The following EXOC5 variants were observed in gnomAD, a reference collection of about 807,000 sequenced individuals.
EXOC5 encodes exocyst complex component 5, also known as SEC10-like 1.
Under a neutral mutation model 90.8 loss-of-function variants are expected in EXOC5, and 17 were observed. The observed-to-expected ratio is 0.19, with a 90% CI of 0.13 to 0.28. EXOC5 has a LOEUF of 0.28. Among genes scored for constraint, EXOC5 ranks in the 10% least tolerant of loss-of-function variants. The pLI, the probability that EXOC5 is intolerant of heterozygous loss-of-function variation, is 1.00. For missense variants in EXOC5, 569 were observed against 830.6 expected (o/e 0.69, Z 3.87); for synonymous variants, 260 against 270.0 (o/e 0.96, Z 0.36).
At chr14:57,222,806 C>CACAT (rs1479748559) in intron 12 of EXOC5, among the ~76,000 whole-genome samples, 4 of 151,402 alleles carry the variant, frequency 2.6e-5, no homozygotes, top group African/African-American at 4.9e-5. Flanking sequence ...CATACACACA[C>CACAT]ACATACATAC....
intron 12 of EXOC5, among the ~76,000 whole-genome samples, chr14:57,227,783 T>C (rs558022481): frequency 6.6e-6 from 1 of 152,296 alleles, no homozygotes; most frequent in East Asian, 1.9e-4. Context: ...TATAATTTAC[T>C]GTCTCAATAT....
intron 4 of EXOC5, among the ~76,000 whole-genome samples, chr14:57,241,381 T>C (rs1300831676): frequency 6.6e-6 from 1 of 152,218 alleles, no homozygotes; most frequent in East Asian, 1.9e-4. Flanking sequence ...GTCCTCACCA[T>C]GCCATTTAGT....
At position 57,204,090 on chromosome 14, in the gene EXOC5, G is replaced by C. The variant is rs1033150111; in HGVS notation, c.*4519C>G. ...CAACCTTCTAAACCACTTAGAAAAT[G>C]GGCGAGTGTGTTTAATTACTCATCT... On this transcript the variant is annotated 3_prime_UTR_variant, in exon 18 of 18. Transcript: ENST00000621441. 1 of 152,234 alleles carries C rather than the reference G, an allele frequency of 6.6e-6. No individual in the cohort carries two copies. Among genetic ancestry groups the C allele is most frequent in the Non-Finnish European group, 1.5e-5 (1 of 68,004 alleles). 9.4% of individuals were successfully genotyped at this position (152,234 alleles called of 1,614,324 possible).
chr14:57,205,625 CG>C lies in EXOC5; in HGVS notation c.*2983del. 1 of 324,512 alleles carries C rather than the reference CG, an allele frequency of 3.1e-6. No individual in the cohort carries two copies. Among genetic ancestry groups the C allele is most frequent in the South Asian group, 2.6e-5 (1 of 38,060 alleles). The allele number at this position is 324,512 out of a possible 1,614,324, so 20.1% of individuals were successfully genotyped here. A position where few individuals can be genotyped will look rare whatever the true frequency, so the allele number is the denominator to read the frequency against. On this transcript the variant is annotated 3_prime_UTR_variant, in exon 18 of 18. Coordinates refer to ENST00000621441, the MANE Select transcript of EXOC5 (RefSeq NM_006544.4). The stretch of plus-strand genomic sequence containing the variant: ...TATTCACCATTACAGGTAAGAAAAA[CG>C]CATTTTAGGGAAGCAGTGAATTCTC...
intron 1 of EXOC5, among the ~76,000 whole-genome samples, chr14:57,248,197 G>A (rs1420854398): frequency 6.6e-6 from 1 of 151,414 alleles, no homozygotes. Flanking sequence ...CTTTTTGGAG[G>A]CCAGCGGGTA....
At chr14:57,246,666 T>C in intron 3 of EXOC5, 45 bp downstream of exon 3, 1 of 1,492,484 alleles carries the variant, frequency 6.7e-7, no homozygotes, top group Non-Finnish European at 9.2e-7. Context: ...AAAATAAAGA[T>C]ATTATAGCCT....
intron 14 of EXOC5, 58 bp from the exon 15 acceptor site, chr14:57,218,126 G>T (rs1474705789): frequency 2.4e-6 from 2 of 816,492 alleles, no homozygotes; most frequent in Non-Finnish European, 4.1e-6. Flanking sequence ...TTTTCTAAAA[G>T]TTTTTCATAC....
chr14:57,222,011 C>T (rs1037079457), intron 13 of EXOC5, among the ~76,000 whole-genome samples: 3 of 152,074 alleles, frequency 2.0e-5, no homozygotes, highest in Non-Finnish European at 2.9e-5. Context: ...GAATTGTTTT[C>T]GCCTTCATTT....
At chr14:57,244,567 G>A (rs1008750258) in intron 3 of EXOC5, among the ~76,000 whole-genome samples, 8 of 151,502 alleles carry the variant, frequency 5.3e-5, no homozygotes, top group Admixed American at 1.3e-4. Context: ...AATATTTATC[G>A]TGAGTACATT....
intron 3 of EXOC5, among the ~76,000 whole-genome samples, chr14:57,244,597 A>C (rs1463829047): frequency 6.6e-6 from 1 of 152,134 alleles, no homozygotes; most frequent in Non-Finnish European, 1.5e-5. Context: ...AAAAGCAAAC[A>C]AAAAAAGCTG....
In EXOC5 at chr14:57,254,971, AAGAC is replaced by A. The variant is rs1461315846; in HGVS notation, c.28-7263_28-7260del. ...TTTGTTATGGAAGCCTGAGCTGACT[AAGAC>A]AGACAGATACATGAAACTGGATGCA... On this transcript the variant is annotated intron_variant, in intron 1 of 17. Coordinates refer to ENST00000621441, the MANE Select transcript of EXOC5 (RefSeq NM_006544.4). Among the ~76,000 whole-genome samples, 8 of 152,208 alleles carry A rather than the reference AAGAC, an allele frequency of 5.3e-5. No homozygotes were observed. The South Asian group carries it at 1.0e-3, about 20-fold the overall frequency.
chr14:57,219,297 A>G lies in EXOC5; in HGVS notation c.1526+25T>C, dbSNP rs375887304. On this transcript the variant is annotated intron_variant, in intron 14 of 17. Transcript: ENST00000621441. The stretch of plus-strand genomic sequence containing the variant: ...TGCTATAATAGTCACTGAAATATCA[A>G]TGAAAATCAGATAATTTGACTAACC... 1.2e-4 allele frequency: 167 copies of G among 1,381,746 alleles called. No homozygotes were observed. In the African/African-American group the frequency reaches 2.2e-3, roughly 18 times the overall value. The allele number at this position is 1,381,746 out of a possible 1,614,324, so 85.6% of individuals were successfully genotyped here.
chr14:57,233,283 T>C (rs919428486), intron 9 of EXOC5: 6 of 154,166 alleles, frequency 3.9e-5, no homozygotes, highest in African/African-American at 1.4e-4. Context: ...TTTAATCCAG[T>C]TGTAAACAGC....
chr14:57,205,917 C>A lies in EXOC5; in HGVS notation c.*2692G>T, dbSNP rs1006810116. On this transcript the variant is annotated 3_prime_UTR_variant, in exon 18 of 18. Transcript: ENST00000621441. Reference sequence around the variant, plus strand: ...GTCCTGGAATGGTCAGGTGGTCATCCATCTAAAGATCCATCCAGCTACTAT... The same window carrying A: ...GTCCTGGAATGGTCAGGTGGTCATCAATCTAAAGATCCATCCAGCTACTAT... The A allele has an allele frequency of 2.2e-6, 1 of 456,100 alleles. No individual in the cohort carries two copies. The highest frequency in any genetic ancestry group is 4.4e-6 in the Non-Finnish European group (1 of 226,652). 28.3% of individuals were successfully genotyped at this position (456,100 alleles called of 1,614,324 possible).
rs1882584899 is a variant in EXOC5, at chr14:57,204,259, T to C, written c.*4350A>G. 6.6e-6 allele frequency: 1 copy of C among 152,174 alleles called. No homozygotes were observed. Among genetic ancestry groups the C allele is most frequent in the Admixed American group, 6.5e-5 (1 of 15,270 alleles). The allele number at this position is 152,174 out of a possible 1,614,324, so 9.4% of individuals were successfully genotyped here. On this transcript the variant is annotated 3_prime_UTR_variant, in exon 18 of 18. Transcript: ENST00000621441. ...AGCTGCTTTAATTTGGCAATTAAAA[T>C]TTCTGTTCTCTAAATGTCAGGTTTC...
intron 1 of EXOC5, among the ~76,000 whole-genome samples, chr14:57,249,070 T>C (rs1243457800): frequency 6.6e-6 from 1 of 152,116 alleles, no homozygotes. Flanking sequence ...TACCCCTATA[T>C]AATGAAATGG....
intron 15 of EXOC5, among the ~76,000 whole-genome samples, chr14:57,217,409 T>A (rs559754742): frequency 6.6e-6 from 1 of 152,202 alleles, no homozygotes; most frequent in African/African-American, 2.4e-5. Flanking sequence ...TGTTTCTGTG[T>A]CACATTTTGG....
intron 2 of EXOC5, 64 bp downstream of exon 2, chr14:57,247,554 T>C (rs1342161400): frequency 1.9e-5 from 13 of 698,802 alleles, no homozygotes; most frequent in East Asian, 1.8e-4. Context: ...TCAACAGTCA[T>C]CTCTATTCTA....
chr14:57,209,852 C>A, intron 16 of EXOC5, 70 bp from the exon 17 acceptor site: 1 of 1,282,150 alleles, frequency 7.8e-7, no homozygotes. Context: ...AATACAGTTT[C>A]TCATTAATCT....
Sources: allele counts gnomAD v4.1 joint callset (sites outside exome capture counted in the v4.1 genomes callset), GRCh38; gene constraint gnomAD v4.1.1; transcripts MANE v1.5; gene names NCBI Gene and HGNC (gene_info 2026-07-23, HGNC 2026-07-21).